ALS2CL: variants seen among roughly 807,000 people sequenced by gnomAD.
ALS2CL encodes ALS2 C-terminal like.
A neutral mutation model predicts 127.9 loss-of-function variants in ALS2CL; 112 were observed. The observed-to-expected ratio is 0.88, with a 90% confidence interval of 0.75 to 1.02. The LOEUF is 1.02. ALS2CL is among the 50% of genes least tolerant of loss of function. ALS2CL has a pLI of 0.00. For missense variants in ALS2CL, 1,174 were observed against 1,236.7 expected (o/e 0.95, Z 0.76); for synonymous variants, 519 against 527.6 (o/e 0.98, Z 0.22).
Position 46,671,943 on chromosome 3 carries a change from C to T in ALS2CL, c.2625G>A (p.Glu875=). Residue 875 remains glutamate (E), a synonymous_variant, in exon 24 of 26, where the codon GAG becomes GAA. Coordinates refer to ENST00000318962, the MANE Select transcript of ALS2CL (RefSeq NM_147129.5). ...EGTVSRVLGR[E]YKLPMDDLLP... is the part of the protein sequence containing the mutation. ...GCAGGTCGTCCATGGGCAGCTTGTA[C>T]TCCCGGCCCAATACCCTCGACACCG... The T allele has an allele frequency of 6.2e-7, 1 of 1,613,974 alleles. No individual in the cohort carries two copies. Among genetic ancestry groups the T allele is most frequent in the African/African-American group, 1.3e-5 (1 of 75,016 alleles).
intron 13 of ALS2CL, chr3:46,680,851 G>A (rs950282136): frequency 7.6e-6 from 4 of 522,984 alleles, no homozygotes; most frequent in Admixed American, 3.2e-5. Flanking sequence ...GGACTTCAGT[G>A]GTCCAGAAAG....
At chr3:46,679,392 T>A in intron 14 of ALS2CL, 105 bp from the exon 15 acceptor site, 1 of 985,920 alleles carries the variant, frequency 1.0e-6, no homozygotes, top group Non-Finnish European at 1.5e-6. Context: ...CCCTGACACA[T>A]GGCGAGAGGG....
intron 2 of ALS2CL, 66 bp from the exon 3 acceptor site, chr3:46,688,362 C>T: frequency 1.3e-6 from 2 of 1,488,396 alleles, no homozygotes; most frequent in Admixed American, 1.9e-5. Context: ...GGAACATGCA[C>T]AGGCCCCAGG....
chr3:46,674,648 C>G lies in ALS2CL; in HGVS notation c.2347G>C (p.Glu783Gln), dbSNP rs765885975. 2 of 1,614,186 alleles carry G rather than the reference C, an allele frequency of 1.2e-6. No individual in the cohort carries two copies. Among genetic ancestry groups the G allele is most frequent in the Non-Finnish European group, 1.7e-6 (2 of 1,180,032 alleles). ...FTLYLLLHEREDSFYSQGIAN... is the reference protein window; with the variant it reads ...FTLYLLLHERQDSFYSQGIAN... ...ATGCCCTGGCTGTAGAAGCTGTCCT[C>G]CCGCTCATGAAGCAGCAGGTAGAGC... Residue 783 changes from glutamate to glutamine, a missense_variant, in exon 21 of 26, where the codon GAG (glutamate) becomes CAG (glutamine). Coordinates refer to ENST00000318962, the MANE Select transcript of ALS2CL (RefSeq NM_147129.5).
rs1323456300 is a variant in ALS2CL, at chr3:46,676,412, T to C, written c.2029-10A>G. The C allele has an allele frequency of 6.2e-7, 1 of 1,613,624 alleles. No individual in the cohort carries two copies. Among genetic ancestry groups the C allele is most frequent in the Non-Finnish European group, 8.5e-7 (1 of 1,179,892 alleles). ...GTGAGTTGCTCAGAGCCTGGGCCAG[T>C]GCATAGGCAACAGAGAGAGACTAAG... is the stretch of plus-strand genomic sequence containing the variant. On this transcript the variant is annotated splice_polypyrimidine_tract_variant and intron_variant, in intron 18 of 25. Coordinates refer to ENST00000318962, the MANE Select transcript of ALS2CL (RefSeq NM_147129.5).
intron 22 of ALS2CL, 48 bp downstream of exon 22, chr3:46,673,291 G>T: frequency 1.3e-6 from 2 of 1,535,962 alleles, no homozygotes; most frequent in Non-Finnish European, 8.8e-7. Context: ...CTCAAAGCCT[G>T]CAGGACCTCT....
At chr3:46,677,719 C>T (rs916701628) in intron 16 of ALS2CL, among the ~76,000 whole-genome samples, 8 of 152,306 alleles carry the variant, frequency 5.3e-5, no homozygotes, top group Middle Eastern at 3.4e-3. Flanking sequence ...CCTCAACAGA[C>T]GCAACAAGAG....
rs1559454792 is a variant in ALS2CL, at chr3:46,671,922, G to T, written c.2646C>A (p.Asp882Glu). Residue 882 changes from aspartate to glutamate, a missense_variant, in exon 24 of 26, where the codon GAC becomes GAA. Physicochemically the swap from Asp to Glu is conservative, Grantham distance 45. Transcript: ENST00000318962. ...CCACGTAGATGAGAAGTGGCAGCAG[G>T]TCGTCCATGGGCAGCTTGTACTCCC... Reference protein sequence around the residue: ...LGREYKLPMDDLLPLLIYVVS... With the variant: ...LGREYKLPMDELLPLLIYVVS... 1 of 1,613,900 alleles carries T rather than the reference G, an allele frequency of 6.2e-7. No homozygotes were observed. Among genetic ancestry groups the T allele is most frequent in the Admixed American group, 1.7e-5 (1 of 60,018 alleles).
At chr3:46,673,249 C>T in intron 22 of ALS2CL, 90 bp downstream of exon 22, 1 of 1,269,620 alleles carries the variant, frequency 7.9e-7, no homozygotes, top group East Asian at 2.7e-5. Flanking sequence ...TCCTCTGCAG[C>T]CTCCGCCCAG....
At position 46,686,556 on chromosome 3, in the gene ALS2CL, C is replaced by G; in HGVS notation, c.535-117G>C. ...TAGGCCAGACCTTGCCCTTCTCTCC[C>G]TGACAGCTCCTCTTCTGCTGGTGGG... On this transcript the variant is annotated intron_variant, in intron 5 of 25. Coordinates refer to ENST00000318962, the MANE Select transcript of ALS2CL (RefSeq NM_147129.5). This position sits in a 1 kb window ranked among gnomAD's most constrained non-coding sequence, Gnocchi z 4.3. 1 of 1,366,138 alleles carries G rather than the reference C, an allele frequency of 7.3e-7. No individual in the cohort carries two copies. The highest frequency in any genetic ancestry group is 9.9e-7 in the Non-Finnish European group (1 of 1,012,012). 84.6% of individuals were successfully genotyped at this position (1,366,138 alleles called of 1,614,324 possible).
At chr3:46,682,844 T>C (rs1012475782) in intron 10 of ALS2CL, among the ~76,000 whole-genome samples, 4 of 152,190 alleles carry the variant, frequency 2.6e-5, no homozygotes, top group Non-Finnish European at 5.9e-5. Context: ...ATGTGAGAAT[T>C]ATTCTCCCAC....
intron 14 of ALS2CL, chr3:46,679,998 C>A: frequency 5.5e-6 from 1 of 182,822 alleles, no homozygotes. Flanking sequence ...TCCCTCTGAA[C>A]CTCTCATTTG....
At chr3:46,672,794 A>G (rs1698509241) in intron 22 of ALS2CL, among the ~76,000 whole-genome samples, 1 of 152,184 alleles carries the variant, frequency 6.6e-6, no homozygotes, top group Non-Finnish European at 1.5e-5. Flanking sequence ...CAGGAGTTTG[A>G]GACCAGCCTG....
chr3:46,687,811 G>A, intron 3 of ALS2CL, 127 bp from the exon 4 acceptor site: 1 of 1,011,536 alleles, frequency 9.9e-7, no homozygotes, highest in Non-Finnish European at 1.4e-6. Context: ...ACAGTGGCCT[G>A]GCTCTGGGCA....
intron 25 of ALS2CL, 76 bp from the exon 26 acceptor site, chr3:46,671,140 T>C (rs1190676672): frequency 3.4e-6 from 5 of 1,457,938 alleles, no homozygotes; most frequent in Non-Finnish European, 4.8e-6. Flanking sequence ...TAGGGCTCAA[T>C]AGCTGTGTGC....
At chr3:46,685,748 C>A in intron 6 of ALS2CL, 104 bp from the exon 7 acceptor site, 1 of 1,472,244 alleles carries the variant, frequency 6.8e-7, no homozygotes, top group Non-Finnish European at 9.1e-7. Flanking sequence ...CCCAGAGGCC[C>A]CCTCCAGTAG....
chr3:46,680,992 G>T (rs1203818658), intron 13 of ALS2CL: 3 of 606,950 alleles, frequency 4.9e-6, no homozygotes, highest in Non-Finnish European at 5.9e-6. Context: ...GTTTTTAGAC[G>T]TGACAGAGCA....
At chr3:46,671,219 G>A (rs1384760867) in intron 25 of ALS2CL, among the ~76,000 whole-genome samples, 155 bp from the exon 26 acceptor site, 2 of 152,162 alleles carry the variant, frequency 1.3e-5, no homozygotes, top group South Asian at 4.1e-4. Context: ...GAGGAAAATG[G>A]GGCCCTTCCT....
Position 46,670,267 on chromosome 3 carries a change from C to T in ALS2CL, c.*717G>A, listed in dbSNP as rs1698286363. The T allele has an allele frequency of 6.6e-6, 1 of 152,312 alleles. No individual in the cohort carries two copies. Among genetic ancestry groups the T allele is most frequent in the African/African-American group, 2.4e-5 (1 of 41,454 alleles). The allele number at this position is 152,312 out of a possible 1,614,324, so 9.4% of individuals were successfully genotyped here. A position where few individuals can be genotyped will look rare whatever the true frequency, so the allele number is the denominator to read the frequency against. ...CAAAGGTACTCCTGCTCCCCAACTA[C>T]AGCAGGGTCCTGGGTCCTGGGTCTG... On this transcript the variant is annotated 3_prime_UTR_variant, in exon 26 of 26. Transcript: ENST00000318962. This position sits in a 1 kb window ranked among gnomAD's most constrained non-coding sequence, Gnocchi z 5.5.
Sources: gnomAD v4.1 joint callset for allele counts (sites outside exome capture counted in the v4.1 genomes callset) on GRCh38, gnomAD v4.1.1 for gene constraint, Gnocchi (gnomAD v3.1) non-coding constraint, MANE v1.5 for transcripts, NCBI Gene and HGNC (gene_info 2026-07-23, HGNC 2026-07-21) for gene names.